Variants in LRTM1 observed in about 807,000 individuals in gnomAD.
LRTM1 encodes leucine-rich repeat and transmembrane domain-containing protein 1.
A neutral mutation model predicts 32.4 loss-of-function variants in LRTM1; 38 were observed. That is an observed-to-expected ratio of 1.17 (90% confidence interval 0.91 to 1.54). The LOEUF is 1.54. Among genes scored for constraint, LRTM1 ranks in the 40% most tolerant of loss-of-function variants. LRTM1 has a pLI of 0.00. For missense variants in LRTM1, 466 were observed against 415.4 expected (o/e 1.12, Z -1.06); for synonymous variants, 186 against 169.9 (o/e 1.09, Z -0.74).
chr3:54,949,233 T>G (rs1701694615), intron 1 of LRTM1, among the ~76,000 whole-genome samples: 1 of 152,166 alleles, frequency 6.6e-6, no homozygotes, highest in Non-Finnish European at 1.5e-5. Context: ...GATGCATCCC[T>G]ATGCCTAGCA....
chr3:54,944,245 A>G (rs1701551271), intron 1 of LRTM1, among the ~76,000 whole-genome samples: 1 of 152,024 alleles, frequency 6.6e-6, no homozygotes, highest in African/African-American at 2.4e-5. Context: ...TTGCTTTAGA[A>G]ATGCATATCC....
intron 1 of LRTM1, among the ~76,000 whole-genome samples, chr3:54,926,480 C>G (rs1348240677): frequency 6.8e-6 from 1 of 146,922 alleles, no homozygotes; most frequent in Non-Finnish European, 1.5e-5. Flanking sequence ...GAGTTCTTAT[C>G]TACTGTGCTC....
intron 1 of LRTM1, among the ~76,000 whole-genome samples, chr3:54,949,265 A>G (rs905574591): frequency 1.3e-5 from 2 of 152,216 alleles, no homozygotes; most frequent in South Asian, 2.1e-4. Context: ...AAGCCTACAC[A>G]TGCCACATGG....
intron 1 of LRTM1, among the ~76,000 whole-genome samples, chr3:54,944,545 T>C (rs1701560867): frequency 6.6e-6 from 1 of 152,028 alleles, no homozygotes; most frequent in South Asian, 2.1e-4. Context: ...GTCAGCCTCC[T>C]GAGTAGCTGG....
chr3:54,940,950 A>G (rs1701450815), intron 1 of LRTM1, among the ~76,000 whole-genome samples: 1 of 152,198 alleles, frequency 6.6e-6, no homozygotes. Context: ...AACAAGACTA[A>G]CTTTGTCATT....
At chr3:54,940,879 G>A (rs1337001220) in intron 1 of LRTM1, among the ~76,000 whole-genome samples, 1 of 152,138 alleles carries the variant, frequency 6.6e-6, no homozygotes, top group African/African-American at 2.4e-5. Context: ...GGGAGCCAAA[G>A]GTATCTGTAT....
intron 1 of LRTM1, among the ~76,000 whole-genome samples, chr3:54,934,146 C>A (rs1284481962): frequency 6.6e-6 from 1 of 152,156 alleles, no homozygotes; most frequent in Admixed American, 6.6e-5. Context: ...AGGTTTCCAG[C>A]GTTATTTGTT....
chr3:54,931,855 G>A (rs146239296), upstream of LRTM1, among the ~76,000 whole-genome samples: 1,412 of 152,212 alleles, frequency 9.3e-3, 15 homozygotes, highest in Non-Finnish European at 0.014. Flanking sequence ...GCATGTAATA[G>A]CTCTTTCTCC....
Position 54,918,832 on chromosome 3 carries a change from A to C in LRTM1, c.665T>G (p.Leu222Arg). 6.3e-7 allele frequency: 1 copy of C among 1,597,018 alleles called. No individual in the cohort carries two copies. Reference sequence around the variant, plus strand: ...CTGGTACAGCTCATGAGGGATCCTAAGGAGGTCCTTTCCCTTCCAGGTGTC... The same window carrying C: ...CTGGTACAGCTCATGAGGGATCCTACGGAGGTCCTTTCCCTTCCAGGTGTC... Reference protein sequence around the residue: ...SPDTWKGKDLLRIPHELYQPC... With the variant: ...SPDTWKGKDLRRIPHELYQPC... The change falls in exon 3 of 3, where the codon CTT (leucine) becomes CGT (arginine). Residue 222 changes from leucine to arginine, a missense_variant. Physicochemically the swap from Leu to Arg is moderately radical, Grantham distance 102. Transcript: ENST00000273286.
upstream of LRTM1, among the ~76,000 whole-genome samples, chr3:54,929,279 G>T (rs943575354): frequency 6.6e-6 from 1 of 152,148 alleles, no homozygotes; most frequent in African/African-American, 2.4e-5. Context: ...ACATGGCCCA[G>T]AGTGTCTTCA....
chr3:54,953,458 C>A (rs1397296949), intron 1 of LRTM1, among the ~76,000 whole-genome samples: 2 of 152,138 alleles, frequency 1.3e-5, no homozygotes, highest in Non-Finnish European at 2.9e-5. Context: ...TAGCACTGGG[C>A]CAAGATCATG....
chr3:54,937,376 T>C (rs948488090), intron 1 of LRTM1, among the ~76,000 whole-genome samples: 3 of 152,138 alleles, frequency 2.0e-5, no homozygotes, highest in Admixed American at 1.3e-4. Context: ...CCTCGGTATA[T>C]GAGGGGGATT....
chr3:54,944,018 A>G (rs1440503732), intron 1 of LRTM1, among the ~76,000 whole-genome samples: 1 of 152,206 alleles, frequency 6.6e-6, no homozygotes, highest in Non-Finnish European at 1.5e-5. Context: ...GACTGGCCAT[A>G]GAATACCTGG....
At chr3:54,942,069 A>T (rs969951279) in intron 1 of LRTM1, among the ~76,000 whole-genome samples, 1 of 152,210 alleles carries the variant, frequency 6.6e-6, no homozygotes, top group Admixed American at 6.5e-5. Flanking sequence ...TCACATAGGA[A>T]CTTCAAATAG....
intron 1 of LRTM1, among the ~76,000 whole-genome samples, chr3:54,937,728 A>C (rs1701365849): frequency 6.6e-6 from 1 of 152,028 alleles, no homozygotes; most frequent in Non-Finnish European, 1.5e-5. Flanking sequence ...AGAGAGGGGA[A>C]GAGACGAGGG....
chr3:54,918,534 A>G lies in LRTM1; in HGVS notation c.963T>C (p.His321=). The change falls in exon 3 of 3, where the codon CAT becomes CAC. Residue 321 remains histidine, a synonymous_variant. Transcript: ENST00000273286. The stretch of plus-strand genomic sequence containing the variant: ...CATTGGTTTGAGCCAAGGGTCCCCC[A>G]TGGTACTGGGCTGTGATTGCCGCAT... The part of the protein sequence containing the change: ...CTYAAITAQY[H]GGPLAQTNDP... 6.2e-7 allele frequency: 1 copy of G among 1,613,742 alleles called. No homozygotes were observed. The highest frequency in any genetic ancestry group is 8.5e-7 in the Non-Finnish European group (1 of 1,179,914).
intron 1 of LRTM1, among the ~76,000 whole-genome samples, chr3:54,946,055 A>G (rs748190737): frequency 2.6e-5 from 4 of 152,208 alleles, no homozygotes; most frequent in Non-Finnish European, 5.9e-5. Context: ...CCTTGGTTCT[A>G]AGATGCCATA....
intron 1 of LRTM1, among the ~76,000 whole-genome samples, chr3:54,939,305 A>T (rs1262863531): frequency 6.6e-6 from 1 of 152,136 alleles, no homozygotes; most frequent in Non-Finnish European, 1.5e-5. Context: ...GATGAGACTG[A>T]CTCACTTGCC....
chr3:54,953,052 C>T (rs568344052), intron 1 of LRTM1, among the ~76,000 whole-genome samples: 1 of 152,198 alleles, frequency 6.6e-6, no homozygotes, highest in Non-Finnish European at 1.5e-5. Context: ...GACTCAACTG[C>T]AGGGGAGGAA....
Sources: gnomAD v4.1 joint callset for allele counts (sites outside exome capture counted in the v4.1 genomes callset) on GRCh38, gnomAD v4.1.1 for gene constraint, MANE v1.5 for transcripts, NCBI Gene and HGNC (gene_info 2026-07-23, HGNC 2026-07-21) for gene names.